Variants in DCP1B observed in about 807,000 individuals in gnomAD.
DCP1B encodes the protein decapping mRNA 1B, also known as mRNA-decapping enzyme 1B.
DCP1B carries 47 observed loss-of-function variants against 60.5 expected under a neutral mutation model. That is an observed-to-expected ratio of 0.78 (90% CI 0.61 to 0.99). The LOEUF (loss-of-function observed/expected upper bound fraction) is 0.99. Among genes scored for constraint, DCP1B ranks in the 50% least tolerant of loss-of-function variants. The pLI, the probability that DCP1B is intolerant of heterozygous loss-of-function variation, is 0.00. For synonymous variants in DCP1B, 267 were observed against 280.3 expected, an observed-to-expected ratio of 0.95 and a Z score of 0.47; for missense variants, 725 against 756.8, an observed-to-expected ratio of 0.96 and a Z score of 0.49.
At chr12:1,969,454 G>A (rs2031683620) in intron 3 of DCP1B, among the ~76,000 whole-genome samples, 1 of 151,470 alleles carries the variant, frequency 6.6e-6, no homozygotes, top group Non-Finnish European at 1.5e-5. Context: ...TGGGGGGGAA[G>A]TAGGGGAAAA....
intron 2 of DCP1B, among the ~76,000 whole-genome samples, chr12:1,996,635 AAAAAAAAAAAAAAAAAAAAACAAC>A (rs1191159853): frequency 5.8e-5 from 6 of 103,588 alleles, no homozygotes; most frequent in African/African-American, 1.1e-4. Flanking sequence ...AAAAAAAAAA[AAAAAAAAAAAAAAAAAAAAACAAC>A]AAACTCTTCT....
chr12:1,950,298 G>C, intron 7 of DCP1B: 2 of 702,310 alleles, frequency 2.8e-6, no homozygotes, highest in Admixed American at 4.0e-5. Context: ...TGCTCCCGGA[G>C]GTGGAGTCAA....
chr12:1,950,295 G>T (rs776747131), intron 7 of DCP1B: 2 of 702,110 alleles, frequency 2.8e-6, no homozygotes, highest in African/African-American at 3.5e-5. Context: ...TGATGCTCCC[G>T]GAGGTGGAGT....
chr12:1,958,103 G>A (rs2030959416), intron 5 of DCP1B, among the ~76,000 whole-genome samples: 1 of 151,404 alleles, frequency 6.6e-6, no homozygotes, highest in African/African-American at 2.4e-5. Flanking sequence ...TGAACCTCCT[G>A]GAAGGAAACA....
chr12:2,001,959 A>G (rs540155220), intron 1 of DCP1B, among the ~76,000 whole-genome samples: 7 of 152,184 alleles, frequency 4.6e-5, no homozygotes, highest in Non-Finnish European at 1.0e-4. Context: ...GCTGGAAAAT[A>G]CCAGGGTTAT....
At chr12:1,958,782 G>A (rs561377148) in intron 5 of DCP1B, among the ~76,000 whole-genome samples, 5 of 133,080 alleles carry the variant, frequency 3.8e-5, no homozygotes, top group Middle Eastern at 9.3e-3. Flanking sequence ...GCTCCCCAAC[G>A]TCGCTCTGGG....
intron 3 of DCP1B, among the ~76,000 whole-genome samples, chr12:1,983,005 G>A (rs1018174885): frequency 6.6e-6 from 1 of 151,780 alleles, no homozygotes; most frequent in Non-Finnish European, 1.5e-5. Flanking sequence ...CTGATGATTT[G>A]TATTTCTCAG....
At chr12:2,002,119 C>T (rs576546443) in intron 1 of DCP1B, among the ~76,000 whole-genome samples, 3 of 152,210 alleles carry the variant, frequency 2.0e-5, no homozygotes, top group African/African-American at 7.2e-5. Flanking sequence ...TTTCTAGACA[C>T]CTTTCCTTCC....
At chr12:1,966,404 T>C (rs147116735) in intron 4 of DCP1B, among the ~76,000 whole-genome samples, 1 of 152,358 alleles carries the variant, frequency 6.6e-6, no homozygotes, top group African/African-American at 2.4e-5. Context: ...TATATGCTGC[T>C]AGGTGATGTC....
intron 1 of DCP1B, among the ~76,000 whole-genome samples, chr12:1,998,507 G>T (rs1036913618): frequency 6.6e-5 from 10 of 152,202 alleles, no homozygotes; most frequent in African/African-American, 2.4e-4. Context: ...GTTCTCAGAT[G>T]AATCAATCAC....
intron 5 of DCP1B, among the ~76,000 whole-genome samples, chr12:1,957,761 G>T (rs528398277): frequency 1.3e-3 from 192 of 152,334 alleles, no homozygotes; most frequent in Non-Finnish European, 2.2e-3. Flanking sequence ...CAGATTCACA[G>T]AAAGTTATTT....
At chr12:1,992,081 G>T in intron 3 of DCP1B, 3 of 364,802 alleles carry the variant, frequency 8.2e-6, no homozygotes, top group Non-Finnish European at 1.1e-5. Context: ...CCTGGAGTTG[G>T]AATTCCAAGT....
In DCP1B at chr12:1,953,320, T is replaced by C. The variant is rs374310884; in HGVS notation, c.652-32A>G. On this transcript the variant is annotated intron_variant, in intron 6 of 8. Transcript: ENST00000280665. ...AAAATAAAGATATCTGACATGAGTC[T>C]ACAAACAATTTGGTTATATGAGGAA... 4.6e-4 allele frequency: 701 copies of C among 1,525,842 alleles called. 1 individual carries two copies. Among genetic ancestry groups the C allele is most frequent in the Non-Finnish European group, 5.8e-4 (664 of 1,145,110 alleles). The allele number at this position is 1,525,842 out of a possible 1,614,324, so 94.5% of individuals were successfully genotyped here.
At chr12:1,975,297 T>G (rs1451814761) in intron 3 of DCP1B, among the ~76,000 whole-genome samples, 1 of 152,184 alleles carries the variant, frequency 6.6e-6, no homozygotes, top group Non-Finnish European at 1.5e-5. Flanking sequence ...ATACAAGTTC[T>G]TGGCCAAAAT....
intron 3 of DCP1B, chr12:1,991,813 T>C (rs2154474019): frequency 6.5e-6 from 1 of 155,016 alleles, no homozygotes; most frequent in Admixed American, 6.4e-5. Context: ...GGTATAGTAG[T>C]TAATATGTGA....
At position 1,996,653 on chromosome 12, in the gene DCP1B, A is replaced by C. The variant is rs1200027976; in HGVS notation, c.191+1282T>G. Among the ~76,000 whole-genome samples the C allele has an allele frequency of 8.5e-3, 313 of 36,644 alleles. 5 individuals are homozygous for C. The highest frequency in any genetic ancestry group is 0.039 in the African/African-American group (219 of 5,596). 24.0% of individuals were successfully genotyped at this position (36,644 alleles called of 152,430 possible). A position where few individuals can be genotyped will look rare whatever the true frequency, so the allele number is the denominator to read the frequency against. On this transcript the variant is annotated intron_variant, in intron 2 of 8. Transcript: ENST00000280665. Reference sequence around the variant, plus strand: ...AAAAAAAAAAAAAAAAAAAAAAAAAAAACAACAAACTCTTCTAATGTTTTA... The same window carrying C: ...AAAAAAAAAAAAAAAAAAAAAAAAACAACAACAAACTCTTCTAATGTTTTA...
chr12:1,985,277 T>C (rs1398714065), intron 3 of DCP1B, among the ~76,000 whole-genome samples: 1 of 152,222 alleles, frequency 6.6e-6, no homozygotes, highest in African/African-American at 2.4e-5. Context: ...CACGGATTTC[T>C]GAAGGCCCTG....
rs759399707 is a variant in DCP1B, at chr12:1,949,232, T to C, written c.1627A>G (p.Ser543Gly). ...TGGCCTCCCACAGGCAAGAGGCCGC[T>C]CTCCCTTTCCTTTGGCGGGACGGAG... The part of the protein sequence containing the change: ...PTSVPPKERE[S>G]GLLPVGGQEP... The change falls in exon 8 of 9, where the codon AGC becomes GGC. Residue 543 changes from serine (S) to glycine (G), a missense_variant. Ser to Gly is a moderately conservative substitution (Grantham distance 56, BLOSUM62 0). Coordinates refer to ENST00000280665, the MANE Select transcript of DCP1B (RefSeq NM_152640.5). 6.2e-7 allele frequency: 1 copy of C among 1,614,106 alleles called. No individual in the cohort carries two copies. The highest frequency in any genetic ancestry group is 8.5e-7 in the Non-Finnish European group (1 of 1,180,032).
chr12:1,975,628 A>G (rs1414853919), intron 3 of DCP1B, among the ~76,000 whole-genome samples: 1 of 152,116 alleles, frequency 6.6e-6, no homozygotes, highest in Admixed American at 6.5e-5. Flanking sequence ...CATAAAATAC[A>G]CTGCATGTCC....
Sources: gnomAD v4.1 joint callset for allele counts (sites outside exome capture counted in the v4.1 genomes callset) on GRCh38, gnomAD v4.1.1 for gene constraint, MANE v1.5 for transcripts, NCBI Gene and HGNC (gene_info 2026-07-23, HGNC 2026-07-21) for gene names.